Variants in MZT2A observed in about 807,000 individuals in gnomAD.
The protein encoded by MZT2A is mitotic-spindle organizing protein 2A.
A neutral mutation model predicts 12.4 loss-of-function variants in MZT2A; 8 were observed. The observed-to-expected ratio is 0.64, with a 90% CI of 0.38 to 1.16. The LOEUF (loss-of-function observed/expected upper bound fraction) is 1.16, where lower values mean the gene tolerates loss of function less well. Ranked by LOEUF, MZT2A falls within the 50% of genes most tolerant of loss-of-function variation. The pLI is 0.01. For synonymous variants in MZT2A, 88 were observed against 107.5 expected, an observed-to-expected ratio of 0.82 and a Z score of 1.12; for missense variants, 181 against 223.6, an observed-to-expected ratio of 0.81 and a Z score of 1.22.
chr2:131,490,959 G>T, intron 2 of MZT2A: 1 of 1,549,146 alleles, frequency 6.5e-7, no homozygotes. Context: ...CCAGCACGCA[G>T]GTGCCCGGGC....
intron 2 of MZT2A, among the ~76,000 whole-genome samples, chr2:131,485,731 C>T (rs1679026901): frequency 6.6e-6 from 1 of 152,112 alleles, no homozygotes; most frequent in South Asian, 2.1e-4. Context: ...TCCCTGGCCT[C>T]TTATCAAGTG....
At chr2:131,480,910 C>T (rs184676067), downstream of MZT2A, among the ~76,000 whole-genome samples, 25,415 of 145,998 alleles carry the variant, frequency 0.17, 3,880 homozygotes, top group African/African-American at 0.42. Context: ...TCAGTGATTT[C>T]TTTTTTTTTT....
rs945274807 is a variant in MZT2A at position 131,490,344 on chromosome 2, G to A, written c.319+1532C>T. ...CCTCCAGACTTCCTGTCCAGGTAGG[G>A]GACAACTTCTAAGAGGCCGAGGCGT... is the stretch of plus-strand genomic sequence containing the variant. On this transcript the variant is annotated intron_variant, in intron 2 of 2. Coordinates refer to ENST00000309451, the MANE Select transcript of MZT2A (RefSeq NM_001085365.2). 71 of 1,053,890 alleles carry A rather than the reference G, an allele frequency of 6.7e-5. No homozygotes were observed. In the African/African-American group the frequency reaches 1.1e-3, roughly 17 times the overall value. 65.3% of individuals were successfully genotyped at this position (1,053,890 alleles called of 1,614,324 possible).
chr2:131,493,665 AAAAAC>A (rs1232190735), upstream of MZT2A, among the ~76,000 whole-genome samples: 12 of 149,170 alleles, frequency 8.0e-5, no homozygotes, highest in African/African-American at 1.5e-4. Flanking sequence ...TCGCTGTCAG[AAAAAC>A]AAAACAAAAC....
intron 2 of MZT2A, chr2:131,491,346 TG>T (rs977647138): frequency 7.6e-5 from 21 of 275,422 alleles, no homozygotes; most frequent in Non-Finnish European, 1.4e-4. Context: ...TGGGCCCAGG[TG>T]GGGTAAAGGC....
At chr2:131,473,264 G>A (rs1388112959) in intron 2 of MZT2A, among the ~76,000 whole-genome samples, 1 of 152,058 alleles carries the variant, frequency 6.6e-6, no homozygotes, top group African/African-American at 2.4e-5. Context: ...AGGGGCCAGT[G>A]GCCTCCTCTG....
intron 2 of MZT2A, among the ~76,000 whole-genome samples, chr2:131,488,497 G>A (rs763170355): frequency 6.6e-5 from 10 of 152,268 alleles, no homozygotes; most frequent in Middle Eastern, 3.4e-3. Flanking sequence ...CTCAACACCC[G>A]AGTCCTGTGG....
upstream of MZT2A, chr2:131,492,465 G>A: frequency 8.6e-7 from 1 of 1,163,764 alleles, no homozygotes; most frequent in Non-Finnish European, 1.1e-6. Flanking sequence ...CCAGCGTCTG[G>A]CCTCCCGGGC....
exon 3 of MZT2A, chr2:131,472,117 G>T: frequency 7.7e-7 from 1 of 1,290,454 alleles, no homozygotes; most frequent in South Asian, 1.2e-5. Context: ...CTGCTTCTCT[G>T]GCCCCCGTAG....
chr2:131,489,917 A>C (rs1679219599), intron 2 of MZT2A: 5 of 974,830 alleles, frequency 5.1e-6, no homozygotes, highest in Non-Finnish European at 6.1e-6. Context: ...CAGAGCCCTG[A>C]GTGAGTGCTA....
At chr2:131,490,868 T>C (rs1289308224) in intron 2 of MZT2A, 2 of 1,549,994 alleles carry the variant, frequency 1.3e-6, no homozygotes, top group Non-Finnish European at 1.7e-6. Flanking sequence ...GGGGCTACTG[T>C]TCCTGGCAGA....
chr2:131,482,502 C>T, downstream of MZT2A: 1 of 1,545,800 alleles, frequency 6.5e-7, no homozygotes, highest in Non-Finnish European at 8.7e-7. Flanking sequence ...GCTACCATTT[C>T]TAGGTTTGAT....
chr2:131,487,040 C>T (rs910326714), intron 2 of MZT2A, among the ~76,000 whole-genome samples: 26 of 152,146 alleles, frequency 1.7e-4, no homozygotes, highest in Admixed American at 5.2e-4. Flanking sequence ...GGAGGGGCTA[C>T]TGAGTCAGAC....
intron 2 of MZT2A, chr2:131,476,061 C>A: frequency 6.6e-7 from 1 of 1,518,088 alleles, no homozygotes; most frequent in Non-Finnish European, 8.9e-7. Flanking sequence ...CCCAGGAACT[C>A]CGAGCCAATG....
chr2:131,490,569 G>C lies in MZT2A; in HGVS notation c.319+1307C>G. The C allele has an allele frequency of 2.0e-6, 3 of 1,519,174 alleles. No individual in the cohort carries two copies. In the South Asian group the frequency reaches 3.8e-5, roughly 19 times the overall value. 94.1% of individuals were successfully genotyped at this position (1,519,174 alleles called of 1,614,324 possible). The stretch of plus-strand genomic sequence containing the variant: ...TCTAATAAACCGAGTCAGAAATAGT[G>C]CCCTGTGGCTAAGCGGCAGGGCAGC... On this transcript the variant is annotated intron_variant, in intron 2 of 2. Coordinates refer to ENST00000309451, the MANE Select transcript of MZT2A (RefSeq NM_001085365.2).
chr2:131,477,037 C>CTTTTCTTTTTTTTTTTT (rs1559345885), intron 2 of MZT2A, among the ~76,000 whole-genome samples: 1 of 108,708 alleles, frequency 9.2e-6, no homozygotes, highest in African/African-American at 6.8e-5. Context: ...CTTTTTCTTT[C>CTTTTCTTTTTTTTTTTT]TTTTTTTTTT....
chr2:131,475,287 C>G (rs1200695594), intron 2 of MZT2A, among the ~76,000 whole-genome samples: 1 of 147,900 alleles, frequency 6.8e-6, no homozygotes, highest in Non-Finnish European at 1.5e-5. Flanking sequence ...GACCCAACGT[C>G]TCCACTTACG....
intron 3 of MZT2A, among the ~76,000 whole-genome samples, chr2:131,470,857 G>A (rs1025385593): frequency 4.1e-5 from 6 of 147,492 alleles, no homozygotes; most frequent in Non-Finnish European, 7.4e-5. Flanking sequence ...CCAGCGCCTG[G>A]GCAAAATAGT....
chr2:131,485,376 G>A (rs1191857614), intron 2 of MZT2A, among the ~76,000 whole-genome samples: 1 of 152,160 alleles, frequency 6.6e-6, no homozygotes, highest in South Asian at 2.1e-4. Flanking sequence ...TGAAAGATCT[G>A]ACGTGTTGCT....
Sources: allele counts gnomAD v4.1 joint callset (sites outside exome capture counted in the v4.1 genomes callset), GRCh38; gene constraint gnomAD v4.1.1; transcripts MANE v1.5; gene names NCBI Gene and HGNC (gene_info 2026-07-23, HGNC 2026-07-21).